POLB: variants seen among roughly 807,000 people sequenced by gnomAD.
POLB encodes 5'-dRP lyase.
Under a neutral mutation model 52.7 loss-of-function variants are expected in POLB, and 37 were observed. The ratio of observed to expected loss-of-function variants is 0.70; its 90% confidence interval spans 0.54 to 0.92. POLB has a LOEUF of 0.92. Among genes scored for constraint, POLB ranks in the 40% least tolerant of loss-of-function variants. The pLI, the probability that POLB is intolerant of heterozygous loss-of-function variation, is 0.00. For missense variants in POLB, 313 were observed against 400.8 expected, an observed-to-expected ratio of 0.78 and a Z score of 1.87; for synonymous variants, 138 against 131.3, an observed-to-expected ratio of 1.05 and a Z score of -0.35.
chr8:42,368,034 C>A (rs1431941712), intron 11 of POLB, among the ~76,000 whole-genome samples: 1 of 152,188 alleles, frequency 6.6e-6, no homozygotes, highest in Non-Finnish European at 1.5e-5. Context: ...CTAATCCACT[C>A]AATCTAATAC....
intron 2 of POLB, among the ~76,000 whole-genome samples, chr8:42,343,037 A>AAAAATTAGCCAG (rs1822311484): frequency 6.6e-6 from 1 of 151,244 alleles, no homozygotes; most frequent in African/African-American, 2.4e-5. Flanking sequence ...AAAAATATAA[A>AAAAATTAGCCAG]ATTGGCTGGG....
chr8:42,352,880 G>A (rs1327637442), intron 6 of POLB, among the ~76,000 whole-genome samples: 1 of 152,022 alleles, frequency 6.6e-6, no homozygotes, highest in Non-Finnish European at 1.5e-5. Context: ...TTCGAGACCA[G>A]TCTGGCCAAC....
At chr8:42,354,338 A>G (rs1823166048) in intron 6 of POLB, 2 of 473,430 alleles carry the variant, frequency 4.2e-6, no homozygotes, top group Non-Finnish European at 7.8e-6. Context: ...CTCCAGAGGG[A>G]ATGTGTATAT....
At chr8:42,357,432 G>A (rs1346288125) in intron 9 of POLB, 40 bp downstream of exon 9, 4 of 1,070,470 alleles carry the variant, frequency 3.7e-6, no homozygotes, top group Non-Finnish European at 5.8e-6. Context: ...TTGCCCTGAT[G>A]TTAAAATTGC....
At chr8:42,351,040 A>G (rs1003164074) in intron 5 of POLB, among the ~76,000 whole-genome samples, 1 of 151,908 alleles carries the variant, frequency 6.6e-6, no homozygotes, top group Non-Finnish European at 1.5e-5. Context: ...ATGTGTGGCC[A>G]ATTTTTGTAT....
At chr8:42,363,794 T>A (rs1823869442) in intron 11 of POLB, among the ~76,000 whole-genome samples, 1 of 152,020 alleles carries the variant, frequency 6.6e-6, no homozygotes, top group South Asian at 2.1e-4. Context: ...GGAATGATAA[T>A]GAGGAAAGTT....
At chr8:42,371,328 G>C (rs564229984) in intron 13 of POLB, among the ~76,000 whole-genome samples, 8 of 152,122 alleles carry the variant, frequency 5.3e-5, no homozygotes, top group African/African-American at 1.9e-4. Flanking sequence ...TCTCCATGTT[G>C]GTCAGGCTGG....
At chr8:42,351,561 G>C (rs1822980676) in intron 5 of POLB, among the ~76,000 whole-genome samples, 1 of 152,204 alleles carries the variant, frequency 6.6e-6, no homozygotes, top group Non-Finnish European at 1.5e-5. Context: ...AGCTAGATTT[G>C]TGACCTTAGC....
At chr8:42,343,656 A>G (rs1822402483) in intron 2 of POLB, among the ~76,000 whole-genome samples, 1 of 151,952 alleles carries the variant, frequency 6.6e-6, no homozygotes, top group South Asian at 2.1e-4. Context: ...ATTTCTACTT[A>G]CTCCCAAAGA....
intron 9 of POLB, among the ~76,000 whole-genome samples, chr8:42,359,921 G>A (rs1427389627): frequency 2.0e-5 from 3 of 151,734 alleles, no homozygotes; most frequent in African/African-American, 7.3e-5. Context: ...TTCCATGGAT[G>A]TCCAGTACAC....
At chr8:42,366,816 G>A (rs1046511325) in intron 11 of POLB, among the ~76,000 whole-genome samples, 8 of 152,162 alleles carry the variant, frequency 5.3e-5, no homozygotes, top group Non-Finnish European at 8.8e-5. Context: ...TCAGAAGACC[G>A]TTATGCAGAT....
chr8:42,346,389 T>A (rs1440522937), intron 3 of POLB, among the ~76,000 whole-genome samples: 1 of 151,262 alleles, frequency 6.6e-6, no homozygotes, highest in Non-Finnish European at 1.5e-5. Context: ...TTTTTCTTTT[T>A]TTTTTTTTGA....
intron 2 of POLB, among the ~76,000 whole-genome samples, chr8:42,343,348 ATAT>A (rs1563390008): frequency 5.5e-3 from 129 of 23,622 alleles, no homozygotes; most frequent in African/African-American, 7.3e-3. Context: ...AAAAAAAAAT[ATAT>A]ATATATATAT....
chr8:42,367,739 G>A (rs1035708629), intron 11 of POLB, among the ~76,000 whole-genome samples: 19 of 152,112 alleles, frequency 1.2e-4, no homozygotes, highest in Non-Finnish European at 2.4e-4. Flanking sequence ...ATCATCTTGT[G>A]CAATCATAGT....
intron 6 of POLB, 183 bp from the exon 7 acceptor site, chr8:42,355,333 T>C (rs1823241697): frequency 2.0e-6 from 1 of 491,526 alleles, no homozygotes; most frequent in Non-Finnish European, 3.8e-6. Context: ...CCACCACGCC[T>C]GGCCCTGAAG....
At chr8:42,368,191 A>G (rs1824160515) in intron 11 of POLB, among the ~76,000 whole-genome samples, 1 of 152,234 alleles carries the variant, frequency 6.6e-6, no homozygotes, top group Non-Finnish European at 1.5e-5. Flanking sequence ...TCCCTGTGGT[A>G]TCTAGACATC....
chr8:42,338,817 C>A, intron 1 of POLB, 132 bp downstream of exon 1: 2 of 1,013,242 alleles, frequency 2.0e-6, no homozygotes, highest in South Asian at 1.4e-5. Flanking sequence ...CCGTGGGGAT[C>A]TCCCTCCGGC....
At position 42,371,667 on chromosome 8, in the gene POLB, C is replaced by G. The variant is rs1283908102; in HGVS notation, c.*10C>G. The G allele has an allele frequency of 6.6e-7, 1 of 1,526,404 alleles. No individual in the cohort carries two copies. The highest frequency in any genetic ancestry group is 1.4e-5 in the African/African-American group (1 of 73,286). The allele number at this position is 1,526,404 out of a possible 1,614,324, so 94.6% of individuals were successfully genotyped here. On this transcript the variant is annotated 3_prime_UTR_variant, in exon 14 of 14. Transcript: ENST00000265421. ...GGACCGGAGCGAATGAGGCCTGTATCCTCCCTGGCAGACACAACCCAATAG... is the reference window on the plus strand; with the variant it reads ...GGACCGGAGCGAATGAGGCCTGTATGCTCCCTGGCAGACACAACCCAATAG...
chr8:42,349,103 C>T lies in POLB; in HGVS notation c.261+13C>T. 6.9e-7 allele frequency: 1 copy of T among 1,454,042 alleles called. No homozygotes were observed. 90.1% of individuals were successfully genotyped at this position (1,454,042 alleles called of 1,614,324 possible). ...TAAACTGGAAAAGGTAAAATTTTAA[C>T]TTGTTTACTTCATTAATTATAGTAT... On this transcript the variant is annotated intron_variant, in intron 4 of 13. Coordinates refer to ENST00000265421, the MANE Select transcript of POLB (RefSeq NM_002690.3).
Sources: gnomAD v4.1 joint callset for allele counts (sites outside exome capture counted in the v4.1 genomes callset) on GRCh38, gnomAD v4.1.1 for gene constraint, MANE v1.5 for transcripts, NCBI Gene and HGNC (gene_info 2026-07-23, HGNC 2026-07-21) for gene names.